Variants in MAML3 observed in about 807,000 individuals in gnomAD.
MAML3 encodes mastermind-like protein 3.
Under a neutral mutation model 101.9 loss-of-function variants are expected in MAML3, and 27 were observed. The ratio of observed to expected loss-of-function variants is 0.27; its 90% CI spans 0.20 to 0.37. The LOEUF is 0.37. Among genes scored for constraint, MAML3 ranks in the 10% least tolerant of loss-of-function variants. The pLI, the probability that MAML3 is intolerant of heterozygous loss-of-function variation, is 1.00. For missense variants in MAML3, 1,316 were observed against 1,444.9 expected (o/e 0.91, Z 1.45); for synonymous variants, 501 against 555.9 (o/e 0.90, Z 1.39).
intron 1 of MAML3, among the ~76,000 whole-genome samples, chr4:140,099,748 C>A (rs566159272): frequency 1.3e-5 from 2 of 152,274 alleles, no homozygotes; most frequent in African/African-American, 2.4e-5. Context: ...ATTTCTCCAA[C>A]CTCCCTTCCC....
chr4:139,793,410 C>A (rs1730454093), intron 2 of MAML3, among the ~76,000 whole-genome samples: 1 of 152,130 alleles, frequency 6.6e-6, no homozygotes, highest in Non-Finnish European at 1.5e-5. Flanking sequence ...AGGCAAGGTG[C>A]CTAGTTCTCC....
intron 1 of MAML3, among the ~76,000 whole-genome samples, chr4:139,992,206 C>T (rs1734692291): frequency 6.6e-6 from 1 of 152,188 alleles, no homozygotes; most frequent in Non-Finnish European, 1.5e-5. Context: ...GTGAAGTACT[C>T]CATCATATGG....
At chr4:139,850,887 G>A (rs1416968097) in intron 2 of MAML3, among the ~76,000 whole-genome samples, 4 of 150,396 alleles carry the variant, frequency 2.7e-5, no homozygotes, top group African/African-American at 9.8e-5. Flanking sequence ...GACAGAAAGA[G>A]GATTATTTGC....
chr4:139,996,708 T>TGC (rs1734823820), intron 1 of MAML3, among the ~76,000 whole-genome samples: 1 of 152,004 alleles, frequency 6.6e-6, no homozygotes, highest in Non-Finnish European at 1.5e-5. Flanking sequence ...TGTGTGTGTG[T>TGC]TTTAATCCAG....
At chr4:139,921,100 T>C (rs966473508) in intron 1 of MAML3, among the ~76,000 whole-genome samples, 5 of 152,102 alleles carry the variant, frequency 3.3e-5, no homozygotes, top group African/African-American at 1.2e-4. Context: ...CTTGCTCTGG[T>C]ACACTCCAGG....
chr4:139,987,072 T>A (rs146239752), intron 1 of MAML3, among the ~76,000 whole-genome samples: 4 of 152,280 alleles, frequency 2.6e-5, no homozygotes, highest in Non-Finnish European at 5.9e-5. Flanking sequence ...TGAGAAACGA[T>A]CTGTGAGCTA....
chr4:140,081,184 T>A (rs1727856304), intron 1 of MAML3, among the ~76,000 whole-genome samples: 1 of 152,182 alleles, frequency 6.6e-6, no homozygotes, highest in Middle Eastern at 3.2e-3. Context: ...CCTCTGGAAT[T>A]CTGTTTATAA....
At chr4:140,132,703 C>T (rs374261894) in intron 1 of MAML3, among the ~76,000 whole-genome samples, 10 of 152,246 alleles carry the variant, frequency 6.6e-5, no homozygotes, top group Admixed American at 1.3e-4. Context: ...TCACTTTGCA[C>T]GAACATCCCT....
At chr4:139,796,172 T>C (rs1730508304) in intron 2 of MAML3, among the ~76,000 whole-genome samples, 2 of 152,198 alleles carry the variant, frequency 1.3e-5, no homozygotes, top group African/African-American at 4.8e-5. Flanking sequence ...TGGATCAGAT[T>C]CGTTATGCTT....
At chr4:140,146,946 C>T (rs1729073867) in intron 1 of MAML3, among the ~76,000 whole-genome samples, 1 of 151,684 alleles carries the variant, frequency 6.6e-6, no homozygotes, top group Non-Finnish European at 1.5e-5. Flanking sequence ...CCATCCTGGC[C>T]AACATGGTGA....
rs1287423659 is a variant in MAML3, at chr4:140,150,797, C to A, written c.468+2063G>T. Among the ~76,000 whole-genome samples, 3 of 152,018 alleles carry A rather than the reference C, an allele frequency of 2.0e-5. No individual in the cohort carries two copies. The East Asian group carries it at 5.8e-4, about 29-fold the overall frequency. On this transcript the variant is annotated intron_variant, in intron 1 of 4. Transcript: ENST00000509479. ...AGAGAAATAGGTTGGAGAAAGGGAC[C>A]GGAGCTACAGTCGAGATGCGGGACC...
At chr4:140,095,088 C>G (rs1410173904) in intron 1 of MAML3, among the ~76,000 whole-genome samples, 1 of 152,224 alleles carries the variant, frequency 6.6e-6, no homozygotes, top group Non-Finnish European at 1.5e-5. Context: ...CTGCCCTGAC[C>G]CTGCCTCAGG....
chr4:139,834,401 C>G (rs1731223084), intron 2 of MAML3, among the ~76,000 whole-genome samples: 1 of 152,242 alleles, frequency 6.6e-6, no homozygotes, highest in African/African-American at 2.4e-5. Flanking sequence ...GCACCAGCCA[C>G]TAGGCAGTTT....
At chr4:139,886,094 T>A (rs1268601655) in intron 2 of MAML3, among the ~76,000 whole-genome samples, 1 of 151,902 alleles carries the variant, frequency 6.6e-6, no homozygotes, top group East Asian at 1.9e-4. Context: ...CTAATTTAGC[T>A]AAAATTTTCT....
chr4:139,971,939 G>C (rs1173742903), intron 1 of MAML3, among the ~76,000 whole-genome samples: 1 of 152,164 alleles, frequency 6.6e-6, no homozygotes, highest in Non-Finnish European at 1.5e-5. Context: ...CTTGCTCTCA[G>C]AACCCATTTT....
intron 1 of MAML3, among the ~76,000 whole-genome samples, chr4:139,898,628 G>C (rs1261312860): frequency 6.6e-6 from 1 of 152,216 alleles, no homozygotes; most frequent in African/African-American, 2.4e-5. Context: ...GAGAGTCTTA[G>C]CTTGCAGATG....
chr4:140,099,767 C>T (rs1287514560), intron 1 of MAML3, among the ~76,000 whole-genome samples: 1 of 152,164 alleles, frequency 6.6e-6, no homozygotes, highest in Non-Finnish European at 1.5e-5. Context: ...CCCAACACAC[C>T]TCTCAAAACC....
chr4:139,854,113 G>A (rs1024541016), intron 2 of MAML3, among the ~76,000 whole-genome samples: 1 of 151,928 alleles, frequency 6.6e-6, no homozygotes, highest in African/African-American at 2.4e-5. Flanking sequence ...ATGAGCCACC[G>A]TGCCCGGCCA....
At chr4:140,011,235 T>TATATAC (rs1553968805) in intron 1 of MAML3, among the ~76,000 whole-genome samples, 1 of 142,226 alleles carries the variant, frequency 7.0e-6, no homozygotes, top group East Asian at 2.0e-4. Flanking sequence ...AAAGTGTGCA[T>TATATAC]ATATATATAT....
Sources: gnomAD v4.1 joint callset for allele counts (sites outside exome capture counted in the v4.1 genomes callset) on GRCh38, gnomAD v4.1.1 for gene constraint, MANE v1.5 for transcripts, NCBI Gene and HGNC (gene_info 2026-07-23, HGNC 2026-07-21) for gene names.